The following PPP2R2C variants were observed in gnomAD, a reference collection of about 807,000 sequenced individuals.
PPP2R2C encodes protein phosphatase 2, regulatory subunit B, gamma.
PPP2R2C carries 10 observed loss-of-function variants against 45.3 expected under a neutral mutation model. That is an observed-to-expected ratio of 0.22 (90% CI 0.14 to 0.37). The LOEUF is 0.37. Ranked by LOEUF, PPP2R2C falls within the 10% of genes least tolerant of loss-of-function variation. The pLI, the probability that PPP2R2C is intolerant of heterozygous loss-of-function variation, is 1.00. For synonymous variants in PPP2R2C, 257 were observed against 245.4 expected, an observed-to-expected ratio of 1.05 and a Z score of -0.44; for missense variants, 308 against 619.7, an observed-to-expected ratio of 0.50 and a Z score of 5.34.
intron 1 of PPP2R2C, among the ~76,000 whole-genome samples, chr4:6,389,878 C>G (rs1022360340): frequency 7.9e-5 from 12 of 152,164 alleles, no homozygotes; most frequent in African/African-American, 2.4e-4. Flanking sequence ...TTCCAGCGGT[C>G]TGCCTCCTGA....
chr4:6,374,860 T>A (rs1388896497), intron 4 of PPP2R2C, among the ~76,000 whole-genome samples: 1 of 152,130 alleles, frequency 6.6e-6, no homozygotes, highest in Non-Finnish European at 1.5e-5. Context: ...GGTAGAATGC[T>A]GTGCAGGGTT....
chr4:6,481,373 A>C (rs1272002674), intron 2 of PPP2R2C, among the ~76,000 whole-genome samples: 8 of 152,198 alleles, frequency 5.3e-5, no homozygotes. Flanking sequence ...TACTTTTTCC[A>C]TATGAAGAAA....
chr4:6,469,077 CAAAAAAAAAAAAAA>C (rs142008829), intron 1 of PPP2R2C, among the ~76,000 whole-genome samples: 10 of 56,154 alleles, frequency 1.8e-4, no homozygotes, highest in South Asian at 8.2e-4. Flanking sequence ...GCCCTGCCAC[CAAAAAAAAAAAAAA>C]AAAAAAAAAA....
chr4:6,401,421 T>C (rs185525273), intron 1 of PPP2R2C, among the ~76,000 whole-genome samples: 401 of 152,290 alleles, frequency 2.6e-3, no homozygotes, highest in Non-Finnish European at 4.5e-3. Context: ...TAAGTTGTTA[T>C]GCACATGGGC....
At chr4:6,385,202 C>T (rs181000863) in intron 1 of PPP2R2C, among the ~76,000 whole-genome samples, 6 of 152,302 alleles carry the variant, frequency 3.9e-5, no homozygotes, top group Non-Finnish European at 5.9e-5. Context: ...CTACCAGTCC[C>T]GCCAGTCGCT....
rs1732193161 is a variant in PPP2R2C, at chr4:6,329,155, G to T, written c.1052+107C>A. On this transcript the variant is annotated intron_variant, in intron 8 of 8. Transcript: ENST00000382599. The surrounding 1 kb of genome is among the most constrained non-coding windows in gnomAD (Gnocchi z 5.8). ...TCACCCAGACACCTGGACCCATTGA[G>T]GCTGAGTAGCCCCATGCTGCGGGTC... is the stretch of plus-strand genomic sequence containing the variant. The T allele has an allele frequency of 1.9e-6, 2 of 1,056,468 alleles. No individual in the cohort carries two copies. Among genetic ancestry groups the T allele is most frequent in the Non-Finnish European group, 2.8e-6 (2 of 701,784 alleles). 65.4% of individuals were successfully genotyped at this position (1,056,468 alleles called of 1,614,324 possible). A position where few individuals can be genotyped will look rare whatever the true frequency, so the allele number is the denominator to read the frequency against.
intron 5 of PPP2R2C, among the ~76,000 whole-genome samples, chr4:6,353,213 G>T (rs1021497368): frequency 6.6e-6 from 1 of 151,862 alleles, no homozygotes; most frequent in African/African-American, 2.4e-5. Context: ...CTGGGAGTTG[G>T]GAAATAAGAG....
intron 2 of PPP2R2C, among the ~76,000 whole-genome samples, chr4:6,500,837 G>A (rs1723028356): frequency 6.6e-6 from 1 of 152,224 alleles, no homozygotes; most frequent in African/African-American, 2.4e-5. Flanking sequence ...CTAAAACCCT[G>A]CAGGGCCCTG....
chr4:6,531,429 C>T (rs372932180), intron 2 of PPP2R2C, among the ~76,000 whole-genome samples: 3 of 152,188 alleles, frequency 2.0e-5, no homozygotes, highest in Admixed American at 6.5e-5. Flanking sequence ...AAAGGAAGCG[C>T]GTCCAGGAGA....
chr4:6,379,778 T>G (rs1715632961), intron 2 of PPP2R2C, among the ~76,000 whole-genome samples: 1 of 152,146 alleles, frequency 6.6e-6, no homozygotes, highest in Non-Finnish European at 1.5e-5. Context: ...GCTCCTCCTC[T>G]GTAAAATGAG....
At chr4:6,516,659 G>A (rs1053426270) in intron 2 of PPP2R2C, among the ~76,000 whole-genome samples, 1 of 152,212 alleles carries the variant, frequency 6.6e-6, no homozygotes, top group Non-Finnish European at 1.5e-5. Context: ...ACCCTGCAGC[G>A]AGTTTTTCAT....
intron 1 of PPP2R2C, among the ~76,000 whole-genome samples, chr4:6,469,088 A>C (rs1721727720): frequency 1.3e-5 from 2 of 150,996 alleles, no homozygotes; most frequent in South Asian, 4.2e-4. Flanking sequence ...AAAAAAAAAA[A>C]AAAAAAAAAA....
chr4:6,365,960 C>T (rs1427721335), intron 5 of PPP2R2C, among the ~76,000 whole-genome samples: 2 of 152,162 alleles, frequency 1.3e-5, no homozygotes, highest in African/African-American at 4.8e-5. Context: ...GAAAAATCAC[C>T]CAGTGCTGTG....
Position 6,345,249 on chromosome 4 carries a change from C to G in PPP2R2C, c.790+2597G>C, listed in dbSNP as rs564755946. Reference sequence around the variant, plus strand: ...TCTCCCATTCCATTCGGACCCAGACCTGGCTGTACACAGGCACAGCTGGAG... The same window carrying G: ...TCTCCCATTCCATTCGGACCCAGACGTGGCTGTACACAGGCACAGCTGGAG... On this transcript the variant is annotated intron_variant, in intron 6 of 8. Transcript: ENST00000382599. The surrounding 1 kb of genome is among the most constrained non-coding windows in gnomAD (Gnocchi z 5.3). Among the ~76,000 whole-genome samples the G allele has an allele frequency of 1.3e-5, 2 of 152,266 alleles. No individual in the cohort carries two copies. Among genetic ancestry groups the G allele is most frequent in the South Asian group, 4.1e-4 (2 of 4,820 alleles).
At chr4:6,509,359 G>C (rs778842641) in intron 2 of PPP2R2C, among the ~76,000 whole-genome samples, 1 of 152,018 alleles carries the variant, frequency 6.6e-6, no homozygotes, top group Non-Finnish European at 1.5e-5. Flanking sequence ...CACAGAGCCA[G>C]TGCAACATGT....
rs1488495408 is a variant in PPP2R2C, at chr4:6,536,637, G to C, written c.-58-1260C>G. ...GGAAAGCCCCTCCTGTGCAGGGTGG[G>C]TGCAGTGGAGAAGGGGGCAGCTCCA... is the stretch of plus-strand genomic sequence containing the variant. On this transcript the variant is annotated intron_variant, in intron 1 of 9. Transcript: ENST00000506140. Among the ~76,000 whole-genome samples the C allele has an allele frequency of 2.6e-5, 4 of 152,354 alleles. No homozygotes were observed. In the East Asian group the frequency reaches 7.7e-4, roughly 29 times the overall value.
chr4:6,531,088 G>A (rs1724381151), intron 2 of PPP2R2C, among the ~76,000 whole-genome samples: 1 of 152,218 alleles, frequency 6.6e-6, no homozygotes, highest in South Asian at 2.1e-4. Context: ...GGGGCCAGGA[G>A]CTGTGCCTGG....
intron 1 of PPP2R2C, among the ~76,000 whole-genome samples, chr4:6,396,948 G>A (rs921953041): frequency 2.0e-5 from 3 of 150,974 alleles, no homozygotes; most frequent in Non-Finnish European, 4.4e-5. Flanking sequence ...CTCAAGCCAG[G>A]GCTGATTTCC....
chr4:6,547,379 T>C (rs2108836842), intron 1 of PPP2R2C, among the ~76,000 whole-genome samples: 1 of 151,888 alleles, frequency 6.6e-6, no homozygotes, highest in African/African-American at 2.4e-5. Context: ...CATAAGAAGG[T>C]ATGATAAGGA....
Sources: gnomAD v4.1 joint callset for allele counts (sites outside exome capture counted in the v4.1 genomes callset) on GRCh38, gnomAD v4.1.1 for gene constraint, Gnocchi (gnomAD v3.1) non-coding constraint, MANE v1.5 for transcripts, NCBI Gene and HGNC (gene_info 2026-07-23, HGNC 2026-07-21) for gene names.